Variants in LPP observed in about 807,000 individuals in gnomAD.
The protein encoded by LPP is lipoma-preferred partner.
Under a neutral mutation model 60.4 loss-of-function variants are expected in LPP, and 38 were observed. The observed-to-expected ratio is 0.63, with a 90% CI of 0.49 to 0.83. The LOEUF (loss-of-function observed/expected upper bound fraction) is 0.83. LPP is among the 40% of genes least tolerant of loss of function. The probability of loss-of-function intolerance (pLI) is 0.00; values close to 1 mark genes in which losing one functional copy is unlikely to be tolerated. For missense variants in LPP, 902 were observed against 783.6 expected (o/e 1.15, Z -1.80); for synonymous variants, 328 against 290.8 (o/e 1.13, Z -1.30).
intron 4 of LPP, among the ~76,000 whole-genome samples, chr3:188,406,890 TG>T (rs1405987922): frequency 6.6e-6 from 1 of 152,114 alleles, no homozygotes; most frequent in Non-Finnish European, 1.5e-5. Flanking sequence ...TTAATAACAA[TG>T]CATTCAGTTT....
intron 5 of LPP, among the ~76,000 whole-genome samples, chr3:188,486,392 A>G (rs1002322707): frequency 1.3e-5 from 2 of 152,216 alleles, no homozygotes; most frequent in Non-Finnish European, 2.9e-5. Context: ...TAGTGGGACT[A>G]GTGGAAATAA....
chr3:188,641,360 T>A (rs1191907754), intron 7 of LPP, among the ~76,000 whole-genome samples: 1 of 152,236 alleles, frequency 6.6e-6, no homozygotes, highest in Admixed American at 6.5e-5. Context: ...ATCTTTCTAT[T>A]GTCCTCTGAA....
intron 9 of LPP, among the ~76,000 whole-genome samples, chr3:188,822,004 G>T (rs1326217527): frequency 2.0e-5 from 3 of 152,012 alleles, no homozygotes; most frequent in African/African-American, 7.2e-5. Flanking sequence ...GATGCTGTTT[G>T]CTCCCTGATA....
intron 4 of LPP, among the ~76,000 whole-genome samples, chr3:188,408,026 G>C (rs1407279825): frequency 6.6e-6 from 1 of 152,078 alleles, no homozygotes; most frequent in Admixed American, 6.5e-5. Context: ...GACCTCAGGT[G>C]ATCTGCCAGC....
chr3:188,271,215 G>T (rs1737622095), intron 2 of LPP, among the ~76,000 whole-genome samples: 1 of 152,202 alleles, frequency 6.6e-6, no homozygotes, highest in African/African-American at 2.4e-5. Context: ...CTTGCTCGGG[G>T]TAGAGAAGAA....
intron 6 of LPP, among the ~76,000 whole-genome samples, chr3:188,594,839 G>A (rs771427066): frequency 6.6e-6 from 1 of 152,050 alleles, no homozygotes; most frequent in Non-Finnish European, 1.5e-5. Flanking sequence ...CAAAATATCT[G>A]TATTGACACC....
At chr3:188,827,483 C>T (rs1487099359) in intron 9 of LPP, among the ~76,000 whole-genome samples, 1 of 152,062 alleles carries the variant, frequency 6.6e-6, no homozygotes, top group African/African-American at 2.4e-5. Flanking sequence ...GAATCAGAAA[C>T]CTGGGTAAAG....
intron 5 of LPP, among the ~76,000 whole-genome samples, chr3:188,496,394 T>C (rs1810229818): frequency 6.6e-6 from 1 of 152,240 alleles, no homozygotes; most frequent in African/African-American, 2.4e-5. Flanking sequence ...CCCAAAGTGC[T>C]GGGATTACAG....
rs529452679 is a variant in LPP, at chr3:188,224,777, G to A, written c.-189-628G>A. Among the ~76,000 whole-genome samples the A allele has an allele frequency of 2.6e-5, 4 of 152,218 alleles. No individual in the cohort carries two copies. The South Asian group carries it at 8.3e-4, about 32-fold the overall frequency. On this transcript the variant is annotated intron_variant, in intron 1 of 11. Transcript: ENST00000617246. ...GACCAGATATCATGAGAACACACTC[G>A]TGATCGTGAGGACAGCACCAAGAGG...
At chr3:188,185,579 C>G (rs1726360627) in intron 1 of LPP, among the ~76,000 whole-genome samples, 2 of 152,062 alleles carry the variant, frequency 1.3e-5, no homozygotes, top group Admixed American at 1.3e-4. Flanking sequence ...GCGTGGATAA[C>G]TCTCTTTTCC....
intron 5 of LPP, among the ~76,000 whole-genome samples, chr3:188,501,987 T>C (rs1169808086): frequency 6.6e-6 from 1 of 152,174 alleles, no homozygotes; most frequent in Admixed American, 6.5e-5. Flanking sequence ...CTTATGTCTA[T>C]TTATTTCTAT....
chr3:188,503,285 C>T (rs574878969), intron 5 of LPP, among the ~76,000 whole-genome samples: 70 of 152,120 alleles, frequency 4.6e-4, no homozygotes, highest in Non-Finnish European at 8.8e-5. Flanking sequence ...AAAATTACAT[C>T]TTTATACATT....
Position 188,470,319 on chromosome 3 carries a change from C to CAT in LPP, c.194-14273_194-14272insAT, listed in dbSNP as rs138685539. Among the ~76,000 whole-genome samples the CAT allele has an allele frequency of 9.9e-3, 1,468 of 148,840 alleles. 36 individuals carry two copies. The highest frequency in any genetic ancestry group is 0.023 in the African/African-American group (925 of 40,048). On this transcript the variant is annotated intron_variant, in intron 4 of 11. Transcript: ENST00000617246. ...ACACACACACACACACACACACACACGCACACATAAACCACATACACACAC... is the reference window on the plus strand; with the variant it reads ...ACACACACACACACACACACACACACATGCACACATAAACCACATACACACAC...
intron 6 of LPP, among the ~76,000 whole-genome samples, chr3:188,604,373 TA>T (rs1412098651): frequency 6.6e-6 from 1 of 152,174 alleles, no homozygotes; most frequent in East Asian, 1.9e-4. Context: ...CCTTTCTTAG[TA>T]AGTTTATTTA....
At chr3:188,361,714 C>T (rs1356459141) in intron 3 of LPP, among the ~76,000 whole-genome samples, 1 of 151,918 alleles carries the variant, frequency 6.6e-6, no homozygotes, top group Non-Finnish European at 1.5e-5. Context: ...TTACAGGCGC[C>T]CTGCCACCAC....
chr3:188,765,958 C>G (rs868126668), intron 9 of LPP, among the ~76,000 whole-genome samples: 1 of 150,228 alleles, frequency 6.7e-6, no homozygotes, highest in African/African-American at 2.5e-5. Context: ...GCAATCTCCA[C>G]CTCCCGGATT....
chr3:188,547,723 C>T (rs1207672387), intron 6 of LPP, among the ~76,000 whole-genome samples: 5 of 152,116 alleles, frequency 3.3e-5, no homozygotes, highest in African/African-American at 9.7e-5. Context: ...TCCTTAAAGT[C>T]GTGTCTTCTT....
At chr3:188,567,716 T>C (rs1369298702) in intron 6 of LPP, among the ~76,000 whole-genome samples, 1 of 151,980 alleles carries the variant, frequency 6.6e-6, no homozygotes, top group African/African-American at 2.4e-5. Flanking sequence ...AAATAGAGCC[T>C]AGAAGGATTA....
At chr3:188,698,309 G>A (rs963649474) in intron 7 of LPP, among the ~76,000 whole-genome samples, 6 of 152,044 alleles carry the variant, frequency 3.9e-5, no homozygotes, top group African/African-American at 1.2e-4. Flanking sequence ...GTCTTGCCTA[G>A]GTGAAGCCAT....
Sources: gnomAD v4.1 joint callset for allele counts (sites outside exome capture counted in the v4.1 genomes callset) on GRCh38, gnomAD v4.1.1 for gene constraint, MANE v1.5 for transcripts, NCBI Gene and HGNC (gene_info 2026-07-23, HGNC 2026-07-21) for gene names.